Variants in DOCK4 observed in about 807,000 individuals in gnomAD.
DOCK4 encodes dedicator of cytokinesis protein 4.
In DOCK4, 97 loss-of-function variants were observed where a neutral mutation model predicts 268.1. The observed-to-expected ratio is 0.36, with a 90% CI of 0.31 to 0.43. The LOEUF is 0.43. Ranked by LOEUF, DOCK4 falls within the 20% of genes least tolerant of loss-of-function variation. The probability of loss-of-function intolerance (pLI) is 1.00; values close to 1 mark genes in which losing one functional copy is unlikely to be tolerated. For synonymous variants in DOCK4, 954 were observed against 887.2 expected, an observed-to-expected ratio of 1.08 and a Z score of -1.34; for missense variants, 2,145 against 2,455.7, an observed-to-expected ratio of 0.87 and a Z score of 2.67.
rs1352834857 is a variant in DOCK4, at chr7:111,809,414, C to G, written c.3007-13G>C. On this transcript the variant is annotated splice_polypyrimidine_tract_variant and intron_variant, in intron 28 of 52. Transcript: ENST00000428084. The stretch of plus-strand genomic sequence containing the variant: ...AGGAATCCCAGATCTAAAACAAGAA[C>G]AAGATATATCAATACTATGGTGTTA... 1.3e-6 allele frequency: 2 copies of G among 1,530,052 alleles called. No individual in the cohort carries two copies. Among genetic ancestry groups the G allele is most frequent in the South Asian group, 2.4e-5 (2 of 83,620 alleles). The allele number at this position is 1,530,052 out of a possible 1,614,324, so 94.8% of individuals were successfully genotyped here.
chr7:111,866,622 C>T (rs181408709), intron 22 of DOCK4, among the ~76,000 whole-genome samples: 73 of 152,212 alleles, frequency 4.8e-4, no homozygotes, highest in Non-Finnish European at 7.9e-4. Context: ...TGCTGTACCC[C>T]GGTGGCCCAA....
At position 111,896,616 on chromosome 7, in the gene DOCK4, A is replaced by G. The variant is rs1808782216; in HGVS notation, c.1481-898T>C. The stretch of plus-strand genomic sequence containing the variant: ...GAGCCAGCAGCCTGTTAAGGGCTGG[A>G]TGGTTACTCTTTCACAAGTGGAGCA... On this transcript the variant is annotated intron_variant, in intron 15 of 52. Coordinates refer to ENST00000428084, the MANE Select transcript of DOCK4 (RefSeq NM_001363540.2). Among the ~76,000 whole-genome samples the G allele has an allele frequency of 2.6e-5, 4 of 151,424 alleles. No individual in the cohort carries two copies. In the Admixed American group the frequency reaches 2.6e-4, roughly 10 times the overall value.
At chr7:111,831,986 C>T (rs556811343) in intron 26 of DOCK4, among the ~76,000 whole-genome samples, 2 of 152,248 alleles carry the variant, frequency 1.3e-5, no homozygotes, top group Non-Finnish European at 2.9e-5. Flanking sequence ...TAGGAATGGT[C>T]TGGAATCTAA....
chr7:111,782,938 G>T lies in DOCK4; in HGVS notation c.3525-14C>A, dbSNP rs767799916. On this transcript the variant is annotated splice_polypyrimidine_tract_variant and intron_variant, in intron 34 of 52. Transcript: ENST00000428084. Reference sequence around the variant, plus strand: ...TTCATGCAGTCCCTAAAAACAAAAAGCAATAGTCAGAACTCAGAACTTCCT... The same window carrying T: ...TTCATGCAGTCCCTAAAAACAAAAATCAATAGTCAGAACTCAGAACTTCCT... The T allele has an allele frequency of 3.1e-6, 5 of 1,597,042 alleles. No individual in the cohort carries two copies. Among genetic ancestry groups the T allele is most frequent in the Non-Finnish European group, 4.3e-6 (5 of 1,171,800 alleles).
At chr7:112,115,850 T>A (rs903638108) in intron 1 of DOCK4, among the ~76,000 whole-genome samples, 2 of 152,132 alleles carry the variant, frequency 1.3e-5, no homozygotes, top group Admixed American at 1.3e-4. Context: ...CCAGATTATT[T>A]TTTACTTTTT....
intron 52 of DOCK4, among the ~76,000 whole-genome samples, chr7:111,729,014 C>T (rs1160834207): frequency 1.3e-5 from 2 of 152,210 alleles, no homozygotes; most frequent in South Asian, 2.1e-4. Context: ...AGGGAGGCCT[C>T]GGGGAAACCA....
At chr7:112,156,990 T>C (rs1272082085) in intron 1 of DOCK4, among the ~76,000 whole-genome samples, 1 of 150,654 alleles carries the variant, frequency 6.6e-6, no homozygotes, top group Non-Finnish European at 1.5e-5. Context: ...TTAACATACG[T>C]GAAAAAAAGT....
chr7:111,790,437 T>C lies in DOCK4; in HGVS notation c.3315+20A>G. 1 of 1,611,762 alleles carries C rather than the reference T, an allele frequency of 6.2e-7. No individual in the cohort carries two copies. ...AGAGCTGAAACTCTTCCAACTCTTC[T>C]GAGGAGCACTTCTGCCTACCTGTTT... On this transcript the variant is annotated intron_variant, in intron 31 of 52. Coordinates refer to ENST00000428084, the MANE Select transcript of DOCK4 (RefSeq NM_001363540.2).
intron 27 of DOCK4, among the ~76,000 whole-genome samples, 181 bp downstream of exon 27, chr7:111,822,181 G>A (rs761758386): frequency 3.1e-4 from 47 of 151,970 alleles, no homozygotes; most frequent in Non-Finnish European, 5.4e-4. Flanking sequence ...TTCGATTTCT[G>A]AATGATGTTA....
At chr7:111,792,526 G>T (rs1258575601) in intron 30 of DOCK4, among the ~76,000 whole-genome samples, 1 of 152,114 alleles carries the variant, frequency 6.6e-6, no homozygotes, top group African/African-American at 2.4e-5. Flanking sequence ...AGGGTTACAG[G>T]CACGCACCAC....
At position 111,736,823 on chromosome 7, in the gene DOCK4, C is replaced by T. The variant is rs895996422; in HGVS notation, c.5305+94G>A. ...AGTCCTGATCATTAAAGAGCTAGAG[C>T]ACTGCTTTCCACACAGACACACAGA... On this transcript the variant is annotated intron_variant, in intron 50 of 52. Transcript: ENST00000428084. The T allele has an allele frequency of 3.2e-5, 34 of 1,078,050 alleles. No individual in the cohort carries two copies. In the African/African-American group the frequency reaches 5.0e-4, roughly 16 times the overall value. 66.8% of individuals were successfully genotyped at this position (1,078,050 alleles called of 1,614,324 possible). A position where few individuals can be genotyped will look rare whatever the true frequency, so the allele number is the denominator to read the frequency against.
intron 1 of DOCK4, among the ~76,000 whole-genome samples, chr7:112,049,541 A>G (rs545096897): frequency 6.6e-6 from 1 of 152,310 alleles, no homozygotes; most frequent in South Asian, 2.1e-4. Context: ...CAGGACATCA[A>G]TGATCACATT....
At chr7:112,026,142 C>T (rs1473150723) in intron 1 of DOCK4, among the ~76,000 whole-genome samples, 1 of 152,246 alleles carries the variant, frequency 6.6e-6, no homozygotes, top group Non-Finnish European at 1.5e-5. Flanking sequence ...ACAGGGGTCC[C>T]CAGCCCCCAG....
intron 27 of DOCK4, among the ~76,000 whole-genome samples, chr7:111,812,348 T>C (rs12113644): frequency 0.074 from 11,242 of 152,240 alleles, 1,406 homozygotes; most frequent in African/African-American, 0.26. Flanking sequence ...GGCATGATCA[T>C]AGCTCACTGC....
At chr7:112,031,011 A>G (rs1185721988) in intron 1 of DOCK4, among the ~76,000 whole-genome samples, 2 of 152,230 alleles carry the variant, frequency 1.3e-5, no homozygotes, top group African/African-American at 4.8e-5. Context: ...AGCTATGCCT[A>G]TCTGTCCTCT....
At chr7:111,883,836 C>A (rs1170531052) in intron 16 of DOCK4, among the ~76,000 whole-genome samples, 1 of 152,166 alleles carries the variant, frequency 6.6e-6, no homozygotes, top group Admixed American at 6.5e-5. Flanking sequence ...TAGCTTCTTA[C>A]AGCTAAACTC....
At chr7:112,198,994 T>A (rs1820698845) in intron 1 of DOCK4, among the ~76,000 whole-genome samples, 1 of 152,170 alleles carries the variant, frequency 6.6e-6, no homozygotes, top group Non-Finnish European at 1.5e-5. Context: ...GCATAAAGTG[T>A]TTTGTTGCTA....
intron 32 of DOCK4, among the ~76,000 whole-genome samples, chr7:111,786,565 G>C (rs187070936): frequency 6.6e-6 from 1 of 152,262 alleles, no homozygotes; most frequent in Non-Finnish European, 1.5e-5. Context: ...AGCAAGGAAG[G>C]TACTAGACAA....
In DOCK4 at chr7:112,128,600, T is replaced by TG. The variant is rs758988921; in HGVS notation, c.37+77501_37+77502insC. The stretch of plus-strand genomic sequence containing the variant: ...AAATTCTTCTGCCTTGGGATCCTGT[T>TG]ATCTGTGACCTTACCCCCAACCCTG... On this transcript the variant is annotated intron_variant, in intron 1 of 52. Transcript: ENST00000428084. Among the ~76,000 whole-genome samples the TG allele has an allele frequency of 3.0e-4, 45 of 152,376 alleles. No homozygotes were observed. The South Asian group carries it at 4.8e-3, about 16-fold the overall frequency.
Sources: gnomAD v4.1 joint callset for allele counts (sites outside exome capture counted in the v4.1 genomes callset) on GRCh38, gnomAD v4.1.1 for gene constraint, MANE v1.5 for transcripts, NCBI Gene and HGNC (gene_info 2026-07-23, HGNC 2026-07-21) for gene names.